The following GDPD4 variants were observed in gnomAD, a reference collection of about 807,000 sequenced individuals.
The protein encoded by GDPD4 is glycerophosphodiester phosphodiesterase 6.
Under a neutral mutation model 67.8 loss-of-function variants are expected in GDPD4, and 60 were observed. The observed-to-expected ratio is 0.88, with a 90% CI of 0.72 to 1.10. The LOEUF is 1.10. Ranked by LOEUF, GDPD4 falls within the 50% of genes least tolerant of loss-of-function variation. The probability of loss-of-function intolerance (pLI) is 0.00; values close to 1 mark genes in which losing one functional copy is unlikely to be tolerated. For synonymous variants in GDPD4, 212 were observed against 210.9 expected (o/e 1.00, Z -0.04); for missense variants, 623 against 613.9 (o/e 1.01, Z -0.16).
intron 13 of GDPD4, among the ~76,000 whole-genome samples, chr11:77,235,519 A>G (rs545650797): frequency 6.6e-6 from 1 of 152,372 alleles, no homozygotes; most frequent in East Asian, 1.9e-4. Context: ...CATACAATAG[A>G]TCCATACAAA....
At chr11:77,272,729 T>C (rs1015355823) in intron 5 of GDPD4, among the ~76,000 whole-genome samples, 1 of 151,836 alleles carries the variant, frequency 6.6e-6, no homozygotes, top group Non-Finnish European at 1.5e-5. Flanking sequence ...TGAGCTGAGA[T>C]TGCACCACTG....
intron 16 of GDPD4, among the ~76,000 whole-genome samples, chr11:77,223,759 A>G (rs1958272664): frequency 6.6e-6 from 1 of 152,166 alleles, no homozygotes; most frequent in Non-Finnish European, 1.5e-5. Context: ...TAGTCTGCAG[A>G]AGTTTCTGCT....
In GDPD4 at chr11:77,216,958, G is replaced by A. The variant is rs549468231; in HGVS notation, c.*319C>T. 2.4e-5 allele frequency: 17 copies of A among 702,922 alleles called. No homozygotes were observed. In the East Asian group the frequency reaches 4.6e-4, roughly 19 times the overall value. The allele number at this position is 702,922 out of a possible 1,614,324, so 43.5% of individuals were successfully genotyped here. A position where few individuals can be genotyped will look rare whatever the true frequency, so the allele number is the denominator to read the frequency against. On this transcript the variant is annotated 3_prime_UTR_variant, in exon 17 of 17. Coordinates refer to ENST00000315938, the MANE Select transcript of GDPD4 (RefSeq NM_182833.3). ...TTATTTAAGGATAGGGGACCTCTAT[G>A]GAGGGCATGGTTGGCTTATCCACCT...
intron 14 of GDPD4, among the ~76,000 whole-genome samples, chr11:77,230,992 G>A (rs750177593): frequency 3.3e-5 from 5 of 152,130 alleles, no homozygotes; most frequent in South Asian, 2.1e-4. Flanking sequence ...GAGGATGAGC[G>A]ACGACACGAA....
intron 16 of GDPD4, among the ~76,000 whole-genome samples, chr11:77,226,409 A>G (rs1449950636): frequency 6.6e-6 from 1 of 151,920 alleles, no homozygotes; most frequent in Non-Finnish European, 1.5e-5. Flanking sequence ...CCCTTATGAG[A>G]AGAGGAAGAG....
chr11:77,253,970 A>C (rs1591549874), intron 11 of GDPD4, among the ~76,000 whole-genome samples: 1 of 152,174 alleles, frequency 6.6e-6, no homozygotes, highest in Non-Finnish European at 1.5e-5. Context: ...GAAAGGTGTA[A>C]CAGTTGCTTG....
intron 16 of GDPD4, among the ~76,000 whole-genome samples, chr11:77,223,463 TGGG>T (rs1958266471): frequency 1.3e-5 from 2 of 152,174 alleles, no homozygotes; most frequent in African/African-American, 2.4e-5. Context: ...GCAGGTCTAT[TGGG>T]GGAGTTTGCT....
At chr11:77,286,331 G>A (rs1258302992) in intron 2 of GDPD4, among the ~76,000 whole-genome samples, 3 of 152,178 alleles carry the variant, frequency 2.0e-5, no homozygotes, top group Non-Finnish European at 2.9e-5. Context: ...TTGAGATTGT[G>A]TGTGTACTTA....
chr11:77,295,133 TTTG>T (rs1270283551), intron 1 of GDPD4, among the ~76,000 whole-genome samples: 4 of 151,274 alleles, frequency 2.6e-5, no homozygotes, highest in Non-Finnish European at 5.9e-5. Flanking sequence ...TCCAGCTAAT[TTTG>T]TTGTTGTTGT....
At chr11:77,264,570 C>A (rs982117382) in intron 10 of GDPD4, among the ~76,000 whole-genome samples, 2 of 152,096 alleles carry the variant, frequency 1.3e-5, no homozygotes, top group African/African-American at 4.8e-5. Context: ...TGAAGGACTT[C>A]TCAAATGCTG....
intron 5 of GDPD4, 135 bp from the exon 6 acceptor site, chr11:77,271,528 G>A: frequency 1.6e-6 from 1 of 622,248 alleles, no homozygotes; most frequent in Admixed American, 2.9e-5. Context: ...TAATAATGTA[G>A]AGAAAGATCT....
At chr11:77,263,788 A>C (rs1387009908) in intron 10 of GDPD4, among the ~76,000 whole-genome samples, 1 of 152,142 alleles carries the variant, frequency 6.6e-6, no homozygotes, top group Middle Eastern at 3.2e-3. Flanking sequence ...CATGGATGCT[A>C]AAGGGTAGGC....
At chr11:77,282,692 A>AC (rs1216240862) in intron 3 of GDPD4, among the ~76,000 whole-genome samples, 6 of 152,160 alleles carry the variant, frequency 3.9e-5, no homozygotes, top group Admixed American at 1.3e-4. Context: ...GCCTCAAAAA[A>AC]AAACAACAAC....
chr11:77,285,093 G>C lies in GDPD4; in HGVS notation c.45C>G (p.Asn15Lys). Residue 15 changes from asparagine (N) to lysine (K), a missense_variant, in exon 3 of 17, where the codon AAC (asparagine) becomes AAG (lysine). Physicochemically the swap from Asn to Lys is moderately conservative, Grantham distance 94. Coordinates refer to ENST00000315938, the MANE Select transcript of GDPD4 (RefSeq NM_182833.3). ...LWIETSSEYFNFDWVTFLGTG... is the reference protein window; with the variant it reads ...LWIETSSEYFKFDWVTFLGTG... ...CAAAAAGTGAAACTCACCAGTCAAAGTTAAAGTATTCACTGGATGTTTCTA... is the reference window on the plus strand; with the variant it reads ...CAAAAAGTGAAACTCACCAGTCAAACTTAAAGTATTCACTGGATGTTTCTA... 1 of 1,610,302 alleles carries C rather than the reference G, an allele frequency of 6.2e-7. No individual in the cohort carries two copies. The highest frequency in any genetic ancestry group is 8.5e-7 in the Non-Finnish European group (1 of 1,176,966).
chr11:77,300,263 A>G lies in GDPD4; in HGVS notation c.-254+1342T>C, dbSNP rs183342264. Among the ~76,000 whole-genome samples the G allele has an allele frequency of 2.7e-3, 408 of 152,284 alleles. 3 individuals carry two copies. The highest frequency in any genetic ancestry group is 9.6e-3 in the African/African-American group (397 of 41,564). On this transcript the variant is annotated intron_variant, in intron 1 of 16. Transcript: ENST00000315938. ...AGCCTGTGCGGTCTAACACTAGCCA[A>G]TAGGGGAACGACACAGCAGCAGGGG...
chr11:77,222,979 A>G (rs551663081), intron 16 of GDPD4, among the ~76,000 whole-genome samples: 34 of 152,202 alleles, frequency 2.2e-4, no homozygotes, highest in African/African-American at 7.5e-4. Context: ...TTGATCTTCA[A>G]TCACTGATAC....
At chr11:77,293,047 A>G (rs1251523906) in intron 1 of GDPD4, among the ~76,000 whole-genome samples, 1 of 152,224 alleles carries the variant, frequency 6.6e-6, no homozygotes, top group Middle Eastern at 3.2e-3. Flanking sequence ...TCACTGGTGA[A>G]TTCTACCAAA....
intron 16 of GDPD4, among the ~76,000 whole-genome samples, chr11:77,221,900 A>G (rs1455064367): frequency 1.3e-5 from 2 of 151,832 alleles, no homozygotes; most frequent in East Asian, 1.9e-4. Flanking sequence ...GACTTGCTTT[A>G]TGAATCTGGG....
intron 10 of GDPD4, among the ~76,000 whole-genome samples, chr11:77,263,996 G>A (rs1959165576): frequency 6.6e-6 from 1 of 152,058 alleles, no homozygotes; most frequent in African/African-American, 2.4e-5. Context: ...TTCTCCTATT[G>A]GTCCACACGA....
Sources: allele counts gnomAD v4.1 joint callset (sites outside exome capture counted in the v4.1 genomes callset), GRCh38; gene constraint gnomAD v4.1.1; transcripts MANE v1.5; gene names NCBI Gene and HGNC (gene_info 2026-07-23, HGNC 2026-07-21).